PPP1R14C: variants seen among roughly 807,000 people sequenced by gnomAD.
PPP1R14C encodes the protein protein phosphatase 1 regulatory subunit 14C.
Under a neutral mutation model 20.4 loss-of-function variants are expected in PPP1R14C, and 16 were observed. The ratio of observed to expected loss-of-function variants is 0.78; its 90% CI spans 0.53 to 1.19. The LOEUF (loss-of-function observed/expected upper bound fraction) is 1.19, where lower values mean the gene tolerates loss of function less well. Ranked by LOEUF, PPP1R14C falls within the 50% of genes most tolerant of loss-of-function variation. PPP1R14C has a pLI of 0.00. For missense variants in PPP1R14C, 211 were observed against 220.1 expected (o/e 0.96, Z 0.26); for synonymous variants, 91 against 91.0 (o/e 1.00, Z 0.00).
intron 3 of PPP1R14C, among the ~76,000 whole-genome samples, chr6:150,240,614 T>C (rs945020027): frequency 2.0e-5 from 3 of 152,246 alleles, no homozygotes; most frequent in African/African-American, 4.8e-5. Context: ...AGGCTAGGCC[T>C]GTGACCAGTC....
Position 150,143,516 on chromosome 6 carries a change from T to TGGGAGGGGCG in PPP1R14C, c.306+25_306+26insGCGGGGAGGG. On this transcript the variant is annotated intron_variant, in intron 1 of 3. Transcript: ENST00000361131. The surrounding 1 kb of genome is among the most constrained non-coding windows in gnomAD (Gnocchi z 5.6). ...GCTGCGAGGTACCTGGGCGCGGGGC[T>TGGGAGGGGCG]GGGAGGGTCGGGGACCTCTCTAGCT... 1 of 806,574 alleles carries TGGGAGGGGCG rather than the reference T, an allele frequency of 1.2e-6. No individual in the cohort carries two copies. The highest frequency in any genetic ancestry group is 4.3e-5 in the East Asian group (1 of 23,198). The allele number at this position is 806,574 out of a possible 1,614,324, so 50.0% of individuals were successfully genotyped here.
intron 1 of PPP1R14C, among the ~76,000 whole-genome samples, chr6:150,212,669 C>T (rs1334441747): frequency 6.6e-6 from 1 of 152,134 alleles, no homozygotes; most frequent in Non-Finnish European, 1.5e-5. Context: ...AGTCACGAAC[C>T]GCATAACAGC....
intron 1 of PPP1R14C, among the ~76,000 whole-genome samples, chr6:150,181,926 A>G (rs1274862713): frequency 1.3e-5 from 2 of 152,234 alleles, no homozygotes; most frequent in East Asian, 3.8e-4. Context: ...CAGTATGTTT[A>G]TCCCCTTCTT....
chr6:150,193,333 G>A (rs1452484318), intron 1 of PPP1R14C, among the ~76,000 whole-genome samples: 1 of 151,930 alleles, frequency 6.6e-6, no homozygotes, highest in Non-Finnish European at 1.5e-5. Flanking sequence ...TACACTAGAT[G>A]GAAAGTTGCC....
chr6:150,195,898 A>T (rs1051379793), intron 1 of PPP1R14C: 5 of 985,418 alleles, frequency 5.1e-6, no homozygotes, highest in Non-Finnish European at 6.0e-6. Flanking sequence ...AGGCAGTGTC[A>T]GGTCATGGGC....
intron 1 of PPP1R14C, among the ~76,000 whole-genome samples, chr6:150,166,237 C>G (rs532577645): frequency 1.3e-5 from 2 of 152,038 alleles, no homozygotes; most frequent in African/African-American, 2.4e-5. Context: ...CCCGCTACCA[C>G]GCCCGGCTAA....
At chr6:150,218,919 T>C (rs1778132982) in intron 3 of PPP1R14C, among the ~76,000 whole-genome samples, 1 of 152,214 alleles carries the variant, frequency 6.6e-6, no homozygotes, top group Admixed American at 6.5e-5. Context: ...CTCAAAGTGC[T>C]GGAATTACAG....
intron 3 of PPP1R14C, among the ~76,000 whole-genome samples, chr6:150,237,226 C>T (rs758774887): frequency 1.8e-4 from 28 of 151,932 alleles, no homozygotes; most frequent in African/African-American, 3.6e-4. Context: ...TTGTTTGAAA[C>T]GGAGTGTTGC....
At chr6:150,153,185 G>A (rs113827558) in intron 1 of PPP1R14C, among the ~76,000 whole-genome samples, 382 of 152,352 alleles carry the variant, frequency 2.5e-3, no homozygotes, top group African/African-American at 9.0e-3. Flanking sequence ...GTCAGTGAGT[G>A]ACAGTGGCTG....
chr6:150,154,944 G>C (rs970032998), intron 1 of PPP1R14C, among the ~76,000 whole-genome samples: 5 of 152,142 alleles, frequency 3.3e-5, no homozygotes, highest in African/African-American at 1.2e-4. Flanking sequence ...TGGCATGTTT[G>C]ACTTAAGATT....
chr6:150,218,162 G>A (rs1287883148), intron 3 of PPP1R14C, among the ~76,000 whole-genome samples: 1 of 152,082 alleles, frequency 6.6e-6, no homozygotes, highest in Non-Finnish European at 1.5e-5. Flanking sequence ...ACAGCACTTT[G>A]GGGGGCCGAG....
chr6:150,236,643 G>GTGTGTGTGTGTGCGCGCA (rs1562276974), intron 3 of PPP1R14C, among the ~76,000 whole-genome samples: 1 of 150,528 alleles, frequency 6.6e-6, no homozygotes, highest in Non-Finnish European at 1.5e-5. Flanking sequence ...GTGTGTGCGC[G>GTGTGTGTGTGTGCGCGCA]TGTGTGTGTT....
intron 1 of PPP1R14C, among the ~76,000 whole-genome samples, chr6:150,162,652 C>A (rs550629500): frequency 6.6e-6 from 1 of 152,256 alleles, no homozygotes; most frequent in African/African-American, 2.4e-5. Context: ...GGTATAAACA[C>A]GTGTGGGTGG....
intron 1 of PPP1R14C, among the ~76,000 whole-genome samples, chr6:150,200,510 C>A (rs1777864181): frequency 1.3e-5 from 2 of 152,200 alleles, no homozygotes; most frequent in African/African-American, 4.8e-5. Context: ...CTGGGGAGTG[C>A]TCCTTTTCCA....
At chr6:150,187,245 CTCTGTG>C (rs1302691037) in intron 1 of PPP1R14C, among the ~76,000 whole-genome samples, 45 of 110,974 alleles carry the variant, frequency 4.1e-4, no homozygotes, top group African/African-American at 1.4e-3. Flanking sequence ...CTTTCTCTTT[CTCTGTG>C]TGTGTGTGTG....
At position 150,231,349 on chromosome 6, in the gene PPP1R14C, A is replaced by G. The variant is rs565860544; in HGVS notation, c.423+14493A>G. 3.9e-5 allele frequency among the ~76,000 whole-genome samples: 6 copies of G among 152,306 alleles called. No individual in the cohort carries two copies. The South Asian group carries it at 1.2e-3, about 32-fold the overall frequency. On this transcript the variant is annotated intron_variant, in intron 3 of 3. Transcript: ENST00000361131. ...TTAGTATGTGTGAGTATAAAGGAAC[A>G]TCCAAGGCCCACCCTTCCCCTAATG...
chr6:150,248,944 T>C lies in PPP1R14C; in HGVS notation c.*124T>C. The stretch of plus-strand genomic sequence containing the variant: ...ACGTTTTTGTTTTTTTTTTTTTCTT[T>C]TTTGGTGTGAAGGTGGGGGGGTCTA... On this transcript the variant is annotated 3_prime_UTR_variant, in exon 4 of 4. Coordinates refer to ENST00000361131, the MANE Select transcript of PPP1R14C (RefSeq NM_030949.3). 1.8e-6 allele frequency: 1 copy of C among 564,708 alleles called. No homozygotes were observed. The highest frequency in any genetic ancestry group is 3.0e-6 in the Non-Finnish European group (1 of 331,902). The allele number at this position is 564,708 out of a possible 1,614,324, so 35.0% of individuals were successfully genotyped here.
At chr6:150,190,314 C>T (rs1245489598) in intron 1 of PPP1R14C, among the ~76,000 whole-genome samples, 2 of 152,038 alleles carry the variant, frequency 1.3e-5, no homozygotes, top group Non-Finnish European at 2.9e-5. Context: ...CCCTGATCTT[C>T]AACCCCACTT....
intron 1 of PPP1R14C, among the ~76,000 whole-genome samples, chr6:150,174,790 C>A (rs1263284211): frequency 2.0e-5 from 3 of 151,370 alleles, no homozygotes; most frequent in Middle Eastern, 3.4e-3. Context: ...CGGTGAAACG[C>A]CATCTCTACT....
Sources: allele counts gnomAD v4.1 joint callset (sites outside exome capture counted in the v4.1 genomes callset), GRCh38; gene constraint gnomAD v4.1.1; non-coding constraint Gnocchi (gnomAD v3.1); transcripts MANE v1.5; gene names NCBI Gene and HGNC (gene_info 2026-07-23, HGNC 2026-07-21).